The following ANXA13 variants were observed in gnomAD, a reference collection of about 807,000 sequenced individuals.
The protein encoded by ANXA13 is annexin A13.
A neutral mutation model predicts 46.6 loss-of-function variants in ANXA13; 36 were observed. The observed-to-expected ratio is 0.77, with a 90% CI of 0.59 to 1.02. ANXA13 has a LOEUF of 1.02. Ranked by LOEUF, ANXA13 falls within the 50% of genes least tolerant of loss-of-function variation. The pLI is 0.00. For synonymous variants in ANXA13, 163 were observed against 152.9 expected (o/e 1.07, Z -0.49); for missense variants, 417 against 396.5 (o/e 1.05, Z -0.44).
chr8:123,733,895 A>G (rs1814188296), intron 1 of ANXA13, among the ~76,000 whole-genome samples: 1 of 152,172 alleles, frequency 6.6e-6, no homozygotes, highest in African/African-American at 2.4e-5. Context: ...AAGTTTGACA[A>G]CGCGTTCCAT....
intron 8 of ANXA13, among the ~76,000 whole-genome samples, chr8:123,689,690 A>G (rs1465173271): frequency 6.6e-6 from 1 of 152,194 alleles, no homozygotes; most frequent in Non-Finnish European, 1.5e-5. Context: ...GTAAATTGTG[A>G]CTATCCTTAA....
In ANXA13 at chr8:123,704,228, C is replaced by T. The variant is rs142450642; in HGVS notation, c.92-1492G>A. Among the ~76,000 whole-genome samples, 27 of 151,574 alleles carry T rather than the reference C, an allele frequency of 1.8e-4. No homozygotes were observed. In the East Asian group the frequency reaches 3.5e-3, roughly 20 times the overall value. The stretch of plus-strand genomic sequence containing the variant: ...TCCATGAACTGCTCACCCCAGTGAT[C>T]GAGCTCGGTGGGATCAAGGCACAGC... On this transcript the variant is annotated intron_variant, in intron 2 of 10. Coordinates refer to ENST00000419625, the MANE Select transcript of ANXA13 (RefSeq NM_004306.4).
At chr8:123,704,849 C>T (rs1010221668) in intron 2 of ANXA13, among the ~76,000 whole-genome samples, 1 of 152,192 alleles carries the variant, frequency 6.6e-6, no homozygotes, top group Non-Finnish European at 1.5e-5. Context: ...TTTCAGTTCT[C>T]CTCTCTATTG....
intron 1 of ANXA13, chr8:123,727,747 G>A (rs1030484105): frequency 1.3e-5 from 2 of 150,872 alleles, no homozygotes; most frequent in Admixed American, 1.3e-4. Flanking sequence ...TAACGATTCT[G>A]TCAACGGGTC....
At chr8:123,726,908 C>T (rs1814010311) in intron 1 of ANXA13, among the ~76,000 whole-genome samples, 1 of 152,160 alleles carries the variant, frequency 6.6e-6, no homozygotes. Context: ...TTGCAGCAAC[C>T]TGGATGGGAT....
intron 3 of ANXA13, among the ~76,000 whole-genome samples, chr8:123,699,058 T>C (rs1412307609): frequency 2.0e-5 from 3 of 152,120 alleles, no homozygotes; most frequent in Non-Finnish European, 2.9e-5. Flanking sequence ...ATAAAGAGGA[T>C]TGTCATGGGA....
At chr8:123,692,519 T>C (rs556517581) in intron 8 of ANXA13, among the ~76,000 whole-genome samples, 1 of 152,338 alleles carries the variant, frequency 6.6e-6, no homozygotes, top group African/African-American at 2.4e-5. Context: ...CTAACTCGCT[T>C]TGTGGGCTTA....
At chr8:123,736,867 G>GTTTT (rs1563623536) in intron 1 of ANXA13, among the ~76,000 whole-genome samples, 3 of 51,844 alleles carry the variant, frequency 5.8e-5, no homozygotes, top group African/African-American at 1.4e-4. Context: ...TTTTTTTTTG[G>GTTTT]GACGGAGTTT....
chr8:123,699,743 A>G (rs990105426), intron 3 of ANXA13, among the ~76,000 whole-genome samples: 2 of 152,208 alleles, frequency 1.3e-5, no homozygotes, highest in Admixed American at 1.3e-4. Context: ...ACTATAGCAT[A>G]GGGTGGGCAG....
At chr8:123,721,782 A>G (rs1249283520) in intron 1 of ANXA13, among the ~76,000 whole-genome samples, 2 of 152,190 alleles carry the variant, frequency 1.3e-5, no homozygotes, top group Non-Finnish European at 2.9e-5. Context: ...TGTGCCGGGC[A>G]TGGGTCCAGA....
intron 1 of ANXA13, among the ~76,000 whole-genome samples, chr8:123,727,088 A>T (rs1421264202): frequency 1.3e-5 from 2 of 152,190 alleles, no homozygotes; most frequent in Non-Finnish European, 2.9e-5. Context: ...AAAAAACTAC[A>T]AATAGGGTTC....
rs764441564 is a variant in ANXA13 at position 123,693,768 on chromosome 8, A to T, written c.483T>A (p.Asn161Lys). Residue 161 changes from asparagine (N) to lysine (K), a missense_variant, in exon 7 of 11, where the codon AAT (asparagine) becomes AAA (lysine). Physicochemically the swap from Asn to Lys is moderately conservative, Grantham distance 94 (BLOSUM62 0). Coordinates refer to ENST00000419625, the MANE Select transcript of ANXA13 (RefSeq NM_004306.4). ...GATCTTTGTCCACGTCATCTCCTTC[A>T]TTGCGATTAGCCTAGAAAAATTGAC... Reference protein sequence around the residue: ...ILVSLLQANRNEGDDVDKDLA... With the variant: ...ILVSLLQANRKEGDDVDKDLA... 46 of 1,613,956 alleles carry T rather than the reference A, an allele frequency of 2.9e-5. No individual in the cohort carries two copies. Among genetic ancestry groups the T allele is most frequent in the Non-Finnish European group, 3.8e-5 (45 of 1,179,968 alleles).
intron 1 of ANXA13, among the ~76,000 whole-genome samples, chr8:123,736,811 A>G (rs998261556): frequency 1.0e-4 from 14 of 138,964 alleles, no homozygotes; most frequent in African/African-American, 3.7e-4. Context: ...CTCTTAAGAG[A>G]TTTTTGGCCA....
chr8:123,712,874 TCA>T, intron 1 of ANXA13, 121 bp from the exon 2 acceptor site: 1 of 821,342 alleles, frequency 1.2e-6, no homozygotes, highest in Non-Finnish European at 2.0e-6. Context: ...AGCTGTCACT[TCA>T]CACACTGGTA....
chr8:123,734,920 T>G (rs1814221498), intron 1 of ANXA13, among the ~76,000 whole-genome samples: 1 of 151,532 alleles, frequency 6.6e-6, no homozygotes, highest in African/African-American at 2.4e-5. Flanking sequence ...AGAGGGAGAT[T>G]TAATAGAAAC....
At chr8:123,737,102 C>T (rs934597502) in intron 1 of ANXA13, among the ~76,000 whole-genome samples, 1 of 151,828 alleles carries the variant, frequency 6.6e-6, no homozygotes, top group Admixed American at 6.6e-5. Flanking sequence ...CTCAAGTAAT[C>T]CGCCCACTCT....
chr8:123,710,633 G>A (rs1586328283), intron 2 of ANXA13, among the ~76,000 whole-genome samples: 1 of 151,816 alleles, frequency 6.6e-6, no homozygotes, highest in African/African-American at 2.4e-5. Flanking sequence ...CAGCCATGTG[G>A]CTGAGGTGCC....
chr8:123,722,305 C>G (rs778082661), intron 1 of ANXA13, among the ~76,000 whole-genome samples: 3 of 143,272 alleles, frequency 2.1e-5, no homozygotes, highest in Non-Finnish European at 4.5e-5. Flanking sequence ...AGAGTGAGAC[C>G]CTGTCTCAAA....
chr8:123,683,518 C>T (rs534664843), intron 10 of ANXA13, among the ~76,000 whole-genome samples: 6 of 149,186 alleles, frequency 4.0e-5, no homozygotes, highest in East Asian at 3.9e-4. Flanking sequence ...CGATGAAATG[C>T]CACTTCCCCT....
Sources: allele counts gnomAD v4.1 joint callset (sites outside exome capture counted in the v4.1 genomes callset), GRCh38; gene constraint gnomAD v4.1.1; transcripts MANE v1.5; gene names NCBI Gene and HGNC (gene_info 2026-07-23, HGNC 2026-07-21).